Variants in PFDN1 observed in about 807,000 individuals in gnomAD.
PFDN1 encodes prefoldin subunit 1.
A neutral mutation model predicts 17.3 loss-of-function variants in PFDN1; 6 were observed. The ratio of observed to expected loss-of-function variants is 0.35; its 90% CI spans 0.19 to 0.69. PFDN1 has a LOEUF of 0.69. Ranked by LOEUF, PFDN1 falls within the 30% of genes least tolerant of loss-of-function variation. The pLI is 0.65. For synonymous variants in PFDN1, 58 were observed against 50.1 expected, an observed-to-expected ratio of 1.16 and a Z score of -0.67; for missense variants, 113 against 146.2, an observed-to-expected ratio of 0.77 and a Z score of 1.17.
chr5:140,288,077 C>T (rs943632581), intron 2 of PFDN1, among the ~76,000 whole-genome samples: 1 of 152,194 alleles, frequency 6.6e-6, no homozygotes, highest in African/African-American at 2.4e-5. Context: ...GTCCATTATC[C>T]AAATGAGTTG....
At chr5:140,246,612 C>T (rs911905592) in intron 3 of PFDN1, among the ~76,000 whole-genome samples, 3 of 152,168 alleles carry the variant, frequency 2.0e-5, no homozygotes, top group South Asian at 2.1e-4. Flanking sequence ...CTGCTGCCTG[C>T]CAGGAATCTG....
intron 3 of PFDN1, among the ~76,000 whole-genome samples, chr5:140,276,218 C>T (rs1370949386): frequency 6.6e-6 from 1 of 152,038 alleles, no homozygotes; most frequent in Non-Finnish European, 1.5e-5. Flanking sequence ...AATAGGAAAC[C>T]ATATTTATGA....
intron 2 of PFDN1, among the ~76,000 whole-genome samples, chr5:140,299,043 G>A (rs1205442955): frequency 1.3e-5 from 2 of 152,084 alleles, no homozygotes; most frequent in Non-Finnish European, 2.9e-5. Context: ...GAGCCACTAT[G>A]CCTGGCCAGA....
intron 3 of PFDN1, among the ~76,000 whole-genome samples, chr5:140,276,059 GA>G (rs1765288082): frequency 2.1e-5 from 3 of 144,260 alleles, no homozygotes; most frequent in Admixed American, 1.4e-4. Context: ...TGATGATGAT[GA>G]TAATTACAGA....
At chr5:140,252,674 A>G (rs1277227077) in intron 3 of PFDN1, among the ~76,000 whole-genome samples, 1 of 152,216 alleles carries the variant, frequency 6.6e-6, no homozygotes, top group Non-Finnish European at 1.5e-5. Context: ...ATGTTTGGCA[A>G]GAGGCCAAGA....
intron 3 of PFDN1, among the ~76,000 whole-genome samples, chr5:140,248,510 C>T (rs1409590460): frequency 6.6e-6 from 1 of 152,210 alleles, no homozygotes; most frequent in East Asian, 1.9e-4. Flanking sequence ...CCTGGGCACC[C>T]TGTGGACCCC....
intron 3 of PFDN1, among the ~76,000 whole-genome samples, chr5:140,278,557 CAAAAAAAAAAAAA>C (rs113129230): frequency 3.8e-5 from 3 of 79,006 alleles, no homozygotes; most frequent in Non-Finnish European, 4.6e-5. Flanking sequence ...GACTCTGTCT[CAAAAAAAAAAAAA>C]AAAAAAAAAA....
chr5:140,265,553 G>A (rs1329431600), intron 3 of PFDN1, among the ~76,000 whole-genome samples: 1 of 152,012 alleles, frequency 6.6e-6, no homozygotes, highest in Admixed American at 6.6e-5. Flanking sequence ...GTGTCTAATA[G>A]TAATCTCAAA....
At chr5:140,250,084 C>T (rs1764891570) in intron 3 of PFDN1, among the ~76,000 whole-genome samples, 1 of 152,028 alleles carries the variant, frequency 6.6e-6, no homozygotes, top group South Asian at 2.1e-4. Flanking sequence ...GCCCTCATGA[C>T]CTACTCATCT....
intron 3 of PFDN1, among the ~76,000 whole-genome samples, chr5:140,262,263 A>G (rs1765075700): frequency 6.6e-6 from 1 of 152,162 alleles, no homozygotes; most frequent in African/African-American, 2.4e-5. Context: ...TAGAATGCCT[A>G]CCTACTCAGA....
At chr5:140,251,604 C>T (rs1032380583) in intron 3 of PFDN1, among the ~76,000 whole-genome samples, 6 of 152,272 alleles carry the variant, frequency 3.9e-5, no homozygotes, top group Non-Finnish European at 7.4e-5. Flanking sequence ...TCTGTCTTGC[C>T]GAGCAATTTC....
chr5:140,259,179 C>T (rs141282630), intron 3 of PFDN1, among the ~76,000 whole-genome samples: 242 of 152,186 alleles, frequency 1.6e-3, no homozygotes, highest in African/African-American at 5.4e-3. Flanking sequence ...GAAAGGGGAG[C>T]GCTACATCAA....
intron 3 of PFDN1, among the ~76,000 whole-genome samples, chr5:140,250,485 C>A (rs1241515082): frequency 1.3e-5 from 2 of 152,180 alleles, no homozygotes; most frequent in African/African-American, 4.8e-5. Flanking sequence ...ACTCCCTATT[C>A]TCCTCACCTT....
chr5:140,247,526 C>G lies in PFDN1; in HGVS notation c.286-1469G>C, dbSNP rs1038880155. On this transcript the variant is annotated intron_variant, in intron 3 of 3. Transcript: ENST00000261813. ...TCTTTATCAGTTCTTCCGTGAACCT[C>G]TGATTCCTGTCTGTCCTCTCCTTGC... 4.6e-5 allele frequency among the ~76,000 whole-genome samples: 7 copies of G among 152,210 alleles called. No homozygotes were observed. In the East Asian group the frequency reaches 1.3e-3, roughly 29 times the overall value.
At chr5:140,251,992 TTTTTTTC>T (rs921629753) in intron 3 of PFDN1, among the ~76,000 whole-genome samples, 49 of 145,470 alleles carry the variant, frequency 3.4e-4, no homozygotes, top group African/African-American at 1.2e-3. Flanking sequence ...AAATTAGTTT[TTTTTTTC>T]TTTCTTTCTT....
chr5:140,302,096 C>CA (rs1443716040), intron 1 of PFDN1, among the ~76,000 whole-genome samples: 2 of 152,216 alleles, frequency 1.3e-5, no homozygotes, highest in Non-Finnish European at 1.5e-5. Context: ...TGACCACAGG[C>CA]AGTCTTAACT....
chr5:140,249,453 C>T (rs1764880709), intron 3 of PFDN1, among the ~76,000 whole-genome samples: 1 of 152,176 alleles, frequency 6.6e-6, no homozygotes, highest in Non-Finnish European at 1.5e-5. Flanking sequence ...GTTTTAAGGG[C>T]AGTTACCCAG....
chr5:140,277,759 G>A (rs929059901), intron 3 of PFDN1, among the ~76,000 whole-genome samples: 2 of 151,086 alleles, frequency 1.3e-5, no homozygotes, highest in East Asian at 1.9e-4. Flanking sequence ...GGAATAAATC[G>A]ACACCTAAAC....
intron 3 of PFDN1, among the ~76,000 whole-genome samples, chr5:140,267,437 T>C (rs1454022993): frequency 6.6e-6 from 1 of 152,220 alleles, no homozygotes; most frequent in Non-Finnish European, 1.5e-5. Context: ...GAGCATGCTC[T>C]TTCAGCCCCC....
Sources: gnomAD v4.1 joint callset for allele counts (sites outside exome capture counted in the v4.1 genomes callset) on GRCh38, gnomAD v4.1.1 for gene constraint, MANE v1.5 for transcripts, NCBI Gene and HGNC (gene_info 2026-07-23, HGNC 2026-07-21) for gene names.